Variants in ABHD17B observed in about 807,000 individuals in gnomAD.
ABHD17B encodes alpha/beta hydrolase domain-containing protein 17B.
In ABHD17B, 9 loss-of-function variants were observed where a neutral mutation model predicts 26.2. The ratio of observed to expected loss-of-function variants is 0.34; its 90% CI spans 0.21 to 0.60. The LOEUF is 0.60. Ranked by LOEUF, ABHD17B falls within the 20% of genes least tolerant of loss-of-function variation. The pLI, the probability that ABHD17B is intolerant of heterozygous loss-of-function variation, is 0.80. For missense variants in ABHD17B, 224 were observed against 352.1 expected, an observed-to-expected ratio of 0.64 and a Z score of 2.91; for synonymous variants, 127 against 122.3, an observed-to-expected ratio of 1.04 and a Z score of -0.25.
intron 1 of ABHD17B, among the ~76,000 whole-genome samples, chr9:71,897,029 G>C (rs958985972): frequency 2.6e-5 from 4 of 152,144 alleles, no homozygotes; most frequent in South Asian, 4.1e-4. Context: ...TCTCTCATTG[G>C]AGACACATGA....
intron 2 of ABHD17B, among the ~76,000 whole-genome samples, chr9:71,873,661 G>A (rs2132135502): frequency 6.6e-6 from 1 of 152,024 alleles, no homozygotes; most frequent in Middle Eastern, 3.4e-3. Flanking sequence ...CTCCCAAAGT[G>A]CTGTGATTAC....
At chr9:71,875,212 C>A in intron 1 of ABHD17B, 129 bp from the exon 2 acceptor site, 2 of 743,704 alleles carry the variant, frequency 2.7e-6, no homozygotes, top group Non-Finnish European at 4.2e-6. Flanking sequence ...GGTATGATTC[C>A]AAACAGATTT....
chr9:71,883,100 G>GC (rs1554700345), intron 1 of ABHD17B, among the ~76,000 whole-genome samples: 1 of 152,108 alleles, frequency 6.6e-6, no homozygotes, highest in Non-Finnish European at 1.5e-5. Context: ...CTGAGATTGC[G>GC]CCATTGCACT....
At chr9:71,883,315 C>A (rs899565481) in intron 1 of ABHD17B, among the ~76,000 whole-genome samples, 5 of 152,134 alleles carry the variant, frequency 3.3e-5, no homozygotes. Context: ...AGACACACTG[C>A]ACAAAGTCCA....
At chr9:71,900,628 G>T (rs190845094) in intron 1 of ABHD17B, among the ~76,000 whole-genome samples, 60 of 148,130 alleles carry the variant, frequency 4.1e-4, no homozygotes, top group African/African-American at 1.5e-3. Context: ...CTCTGGTCTG[G>T]GCGACAGAGT....
At chr9:71,871,038 T>C (rs1402163493) in intron 2 of ABHD17B, among the ~76,000 whole-genome samples, 2 of 152,212 alleles carry the variant, frequency 1.3e-5, no homozygotes, top group Non-Finnish European at 2.9e-5. Context: ...GTCTACAGTA[T>C]AATCATCCCA....
intron 1 of ABHD17B, among the ~76,000 whole-genome samples, chr9:71,880,709 A>G (rs184233090): frequency 3.1e-3 from 467 of 152,120 alleles, no homozygotes; most frequent in African/African-American, 1.0e-2. Context: ...CGCACCCACA[A>G]CCAAAACGAC....
chr9:71,873,046 G>A (rs1052533754), intron 2 of ABHD17B, among the ~76,000 whole-genome samples: 3 of 151,764 alleles, frequency 2.0e-5, no homozygotes, highest in African/African-American at 7.2e-5. Flanking sequence ...TATTAAAATT[G>A]AGGAAATTTT....
rs368730413 is a variant in ABHD17B, at chr9:71,874,673, T to A, written c.408A>T (p.Lys136Asn). ...CTGCATAGAGGTTCTTCTCTGTGGG[T>A]TTCCCGGAACTGGCACCATATCCAG... ...DYSGYGASSG[K>N]PTEKNLYADI... Residue 136 changes from lysine (K) to asparagine (N), a missense_variant, in exon 2 of 4, where the codon AAA (lysine) becomes AAT (asparagine). Coordinates refer to ENST00000333421, the MANE Select transcript of ABHD17B (RefSeq NM_001025780.3). 2 of 1,613,114 alleles carry A rather than the reference T, an allele frequency of 1.2e-6. No homozygotes were observed. The highest frequency in any genetic ancestry group is 1.7e-6 in the Non-Finnish European group (2 of 1,179,378).
At position 71,889,112 on chromosome 9, in the gene ABHD17B, C is replaced by T. The variant is rs370850695; in HGVS notation, c.-3-14029G>A. Among the ~76,000 whole-genome samples, 10 of 150,872 alleles carry T rather than the reference C, an allele frequency of 6.6e-5. No homozygotes were observed. In the East Asian group the frequency reaches 2.0e-3, roughly 29 times the overall value. ...CGGGCGGATCACAAGGTTAGGAGTT[C>T]GAGACCAGCCCGGCCAATATAGTGA... On this transcript the variant is annotated intron_variant, in intron 1 of 3. Coordinates refer to ENST00000333421, the MANE Select transcript of ABHD17B (RefSeq NM_001025780.3).
At chr9:71,868,031 AC>A (rs1183121063) in intron 3 of ABHD17B, among the ~76,000 whole-genome samples, 2 of 130,558 alleles carry the variant, frequency 1.5e-5, no homozygotes, top group Admixed American at 1.7e-4. Context: ...ACATGGTGAA[AC>A]CCCGTCTCTA....
intron 2 of ABHD17B, among the ~76,000 whole-genome samples, chr9:71,872,504 A>T (rs1279468626): frequency 6.6e-6 from 1 of 152,194 alleles, no homozygotes; most frequent in Non-Finnish European, 1.5e-5. Context: ...CTGAATACTA[A>T]CATGTTTTGT....
At position 71,875,247 on chromosome 9, in the gene ABHD17B, C is replaced by T. The variant is rs572516251; in HGVS notation, c.-3-164G>A. On this transcript the variant is annotated intron_variant, in intron 1 of 3. Coordinates refer to ENST00000333421, the MANE Select transcript of ABHD17B (RefSeq NM_001025780.3). The stretch of plus-strand genomic sequence containing the variant: ...TTTGGCTTCTTTTTTTTTTTTGAGA[C>T]GGAGTTTCACTCTTGTTGCCCAGGC... Among the ~76,000 whole-genome samples the T allele has an allele frequency of 1.5e-3, 214 of 141,164 alleles. 1 individual carries two copies. The South Asian group carries it at 0.02, about 13-fold the overall frequency. The allele number at this position is 141,164 out of a possible 152,430, so 92.6% of individuals were successfully genotyped here.
At chr9:71,872,573 A>G (rs968122958) in intron 2 of ABHD17B, among the ~76,000 whole-genome samples, 12 of 152,280 alleles carry the variant, frequency 7.9e-5, no homozygotes, top group African/African-American at 2.6e-4. Context: ...GCTGGCTATC[A>G]GTTTTAACTT....
chr9:71,882,657 CAA>C (rs1383637885), intron 1 of ABHD17B, among the ~76,000 whole-genome samples: 2 of 102,992 alleles, frequency 1.9e-5, no homozygotes, highest in Non-Finnish European at 2.0e-5. Flanking sequence ...GATTCCATTT[CAA>C]AAAAAAAAAA....
At chr9:71,884,267 A>C (rs1003337032) in intron 1 of ABHD17B, among the ~76,000 whole-genome samples, 1 of 152,204 alleles carries the variant, frequency 6.6e-6, no homozygotes, top group African/African-American at 2.4e-5. Flanking sequence ...GTGTTTACCA[A>C]TGACCCAGAA....
chr9:71,878,927 A>G (rs1034997859), intron 1 of ABHD17B, among the ~76,000 whole-genome samples: 20 of 152,198 alleles, frequency 1.3e-4, no homozygotes, highest in African/African-American at 4.8e-4. Context: ...AGGCCGAGGT[A>G]GGAGGATTGC....
intron 1 of ABHD17B, among the ~76,000 whole-genome samples, chr9:71,909,774 T>G (rs1827390989): frequency 6.6e-6 from 1 of 152,228 alleles, no homozygotes. Context: ...TTCATCCTTT[T>G]GCTTACCAAA....
In ABHD17B at chr9:71,869,914, A is replaced by C. The variant is rs373800474; in HGVS notation, c.647+169T>G. Among the ~76,000 whole-genome samples the C allele has an allele frequency of 2.6e-5, 4 of 152,250 alleles. No homozygotes were observed. The South Asian group carries it at 6.2e-4, about 24-fold the overall frequency. Reference sequence around the variant, plus strand: ...ACTCCTCAAACATTTCAGCCTTCTGACTGGTCACCTGCTAATACCCTCTTT... The same window carrying C: ...ACTCCTCAAACATTTCAGCCTTCTGCCTGGTCACCTGCTAATACCCTCTTT... On this transcript the variant is annotated intron_variant, in intron 3 of 3. Transcript: ENST00000333421.
Sources: gnomAD v4.1 joint callset for allele counts (sites outside exome capture counted in the v4.1 genomes callset) on GRCh38, gnomAD v4.1.1 for gene constraint, MANE v1.5 for transcripts, NCBI Gene and HGNC (gene_info 2026-07-23, HGNC 2026-07-21) for gene names.